Variants in SLC36A1 observed in about 807,000 individuals in gnomAD.
SLC36A1 encodes proton-coupled amino acid transporter 1.
Under a neutral mutation model 47.5 loss-of-function variants are expected in SLC36A1, and 30 were observed. The ratio of observed to expected loss-of-function variants is 0.63; its 90% CI spans 0.47 to 0.86. The LOEUF (loss-of-function observed/expected upper bound fraction) is 0.86. SLC36A1 is among the 40% of genes least tolerant of loss of function. The probability of loss-of-function intolerance (pLI) is 0.00; values close to 1 mark genes in which losing one functional copy is unlikely to be tolerated. For synonymous variants in SLC36A1, 255 were observed against 249.7 expected, an observed-to-expected ratio of 1.02 and a Z score of -0.20; for missense variants, 517 against 606.0, an observed-to-expected ratio of 0.85 and a Z score of 1.54.
At chr5:151,476,353 G>A (rs1003326134) in intron 8 of SLC36A1, among the ~76,000 whole-genome samples, 2 of 152,208 alleles carry the variant, frequency 1.3e-5, no homozygotes, top group African/African-American at 4.8e-5. Flanking sequence ...AGGAGTCCTG[G>A]GCTCGTGTCC....
the SLC36A1 span, among the ~76,000 whole-genome samples, chr5:151,349,006 A>G: frequency 6.6e-6 from 1 of 152,182 alleles, no homozygotes; most frequent in Admixed American, 6.5e-5. Flanking sequence ...CTTGTCTGGC[A>G]CCATTACATG....
the SLC36A1 span, among the ~76,000 whole-genome samples, chr5:151,377,735 A>G: frequency 6.6e-6 from 1 of 151,398 alleles, no homozygotes; most frequent in Non-Finnish European, 1.5e-5. Flanking sequence ...ATTGCGATAT[A>G]CTCTTCTTGA....
chr5:151,449,065 G>T (rs949927978), intron 1 of SLC36A1, among the ~76,000 whole-genome samples: 1 of 152,046 alleles, frequency 6.6e-6, no homozygotes, highest in Non-Finnish European at 1.5e-5. Context: ...GGGTCTGTTT[G>T]TTTTTTTATT....
At chr5:151,514,156 C>T in the SLC36A1 span, among the ~76,000 whole-genome samples, 2 of 152,164 alleles carry the variant, frequency 1.3e-5, no homozygotes, top group Admixed American at 6.5e-5. Context: ...ACTACCTATA[C>T]CTTTATTTAC....
the SLC36A1 span, chr5:151,511,642 ATT>A: frequency 6.2e-6 from 1 of 160,014 alleles, no homozygotes; most frequent in East Asian, 1.8e-4. Flanking sequence ...GTTAGAAGCA[ATT>A]AATGAGAATT....
chr5:151,551,976 G>GGGGTGT, the SLC36A1 span, among the ~76,000 whole-genome samples: 18 of 143,648 alleles, frequency 1.3e-4, no homozygotes, highest in East Asian at 6.0e-4. Flanking sequence ...TAACCCTAAG[G>GGGGTGT]GTGTGTGTGT....
intron 7 of SLC36A1, among the ~76,000 whole-genome samples, chr5:151,469,803 A>G (rs1370908879): frequency 1.3e-5 from 2 of 151,014 alleles, no homozygotes; most frequent in East Asian, 3.9e-4. Flanking sequence ...TAGTATTTAT[A>G]TATAGTATAA....
chr5:151,548,770 C>T, the SLC36A1 span, among the ~76,000 whole-genome samples: 3 of 152,150 alleles, frequency 2.0e-5, no homozygotes, highest in Non-Finnish European at 4.4e-5. Context: ...CGTGAGCCAC[C>T]GCATCTGGCC....
the SLC36A1 span, among the ~76,000 whole-genome samples, chr5:151,350,469 G>T: frequency 6.6e-6 from 1 of 152,156 alleles, no homozygotes; most frequent in Non-Finnish European, 1.5e-5. Flanking sequence ...TGACTAGGGC[G>T]TAGTAGGAAC....
intron 1 of SLC36A1, among the ~76,000 whole-genome samples, chr5:151,450,166 T>C (rs1446800808): frequency 6.7e-6 from 1 of 150,364 alleles, no homozygotes; most frequent in East Asian, 2.0e-4. Flanking sequence ...GCATGTAAAG[T>C]GGATGGAGCA....
At chr5:151,408,928 G>C in the SLC36A1 span, among the ~76,000 whole-genome samples, 2 of 151,854 alleles carry the variant, frequency 1.3e-5, no homozygotes, top group African/African-American at 4.8e-5. Flanking sequence ...AACCAGGGGA[G>C]TAGTAAGTGA....
intron 1 of SLC36A1, among the ~76,000 whole-genome samples, chr5:151,458,436 G>A (rs1043067463): frequency 6.6e-6 from 1 of 151,572 alleles, no homozygotes; most frequent in East Asian, 1.9e-4. Flanking sequence ...AAGGAATAGG[G>A]AATGCGGAAT....
the SLC36A1 span, chr5:151,521,750 C>G: frequency 6.2e-7 from 1 of 1,614,024 alleles, no homozygotes; most frequent in East Asian, 2.2e-5. Context: ...TACACATGGA[C>G]CCCAGCAGTC....
At chr5:151,416,864 CT>C in the SLC36A1 span, among the ~76,000 whole-genome samples, 2 of 152,218 alleles carry the variant, frequency 1.3e-5, no homozygotes, top group African/African-American at 2.4e-5. Flanking sequence ...AATTGAATCA[CT>C]GGGGACATTT....
intron 2 of SLC36A1, among the ~76,000 whole-genome samples, chr5:151,463,134 C>CA (rs1755802348): frequency 6.6e-6 from 1 of 152,204 alleles, no homozygotes; most frequent in Non-Finnish European, 1.5e-5. Context: ...TTCGGCCTCC[C>CA]AAAGTAGTGG....
the SLC36A1 span, among the ~76,000 whole-genome samples, chr5:151,364,194 T>C: frequency 1.3e-5 from 2 of 152,220 alleles, no homozygotes; most frequent in Admixed American, 6.5e-5. Flanking sequence ...CTGTATATAT[T>C]TTATGCACTC....
At chr5:151,521,718 C>A in the SLC36A1 span, 1 of 1,614,018 alleles carries the variant, frequency 6.2e-7, no homozygotes, top group Non-Finnish European at 8.5e-7. Context: ...GCTGCAGAGC[C>A]TCCTGCCCCA....
the SLC36A1 span, chr5:151,545,433 A>G: frequency 1.2e-6 from 2 of 1,614,182 alleles, no homozygotes; most frequent in Non-Finnish European, 1.7e-6. Context: ...CTGAGTCTTC[A>G]TCGCTGGCCC....
At chr5:151,541,567 G>A in the SLC36A1 span, among the ~76,000 whole-genome samples, 4 of 152,170 alleles carry the variant, frequency 2.6e-5, no homozygotes, top group Admixed American at 6.5e-5. Context: ...GGAATGGGGG[G>A]ACATGGCACC....
Sources: allele counts gnomAD v4.1 joint callset (sites outside exome capture counted in the v4.1 genomes callset), GRCh38; gene constraint gnomAD v4.1.1; transcripts MANE v1.5; gene names NCBI Gene and HGNC (gene_info 2026-07-23, HGNC 2026-07-21).